The following CTBP1 variants were observed in gnomAD, a reference collection of about 807,000 sequenced individuals.
CTBP1 encodes C-terminal binding protein 1.
Under a neutral mutation model 42.1 loss-of-function variants are expected in CTBP1, and 11 were observed. That is an observed-to-expected ratio of 0.26 (90% CI 0.16 to 0.43). The LOEUF is 0.43. Ranked by LOEUF, CTBP1 falls within the 20% of genes least tolerant of loss-of-function variation. The probability of loss-of-function intolerance (pLI) is 1.00; values close to 1 mark genes in which losing one functional copy is unlikely to be tolerated. For missense variants in CTBP1, 399 were observed against 624.3 expected, an observed-to-expected ratio of 0.64 and a Z score of 3.85; for synonymous variants, 324 against 277.1, an observed-to-expected ratio of 1.17 and a Z score of -1.68.
chr4:1,236,932 G>A, intron 3 of CTBP1: 1 of 677,364 alleles, frequency 1.5e-6, no homozygotes, highest in South Asian at 1.6e-5. Flanking sequence ...TCCACCTCCT[G>A]ATGGGGCTCA....
At chr4:1,231,753 T>G (rs944642219) in intron 3 of CTBP1, among the ~76,000 whole-genome samples, 1 of 152,228 alleles carries the variant, frequency 6.6e-6, no homozygotes, top group South Asian at 2.1e-4. Flanking sequence ...AGGGTGGGGC[T>G]GGGCTGAAGA....
In CTBP1 at chr4:1,211,603, T is replaced by C. The variant is rs1430916890; in HGVS notation, c.*637A>G. On this transcript the variant is annotated 3_prime_UTR_variant, in exon 10 of 10. Coordinates refer to ENST00000382952, the MANE Select transcript of CTBP1 (RefSeq NM_001012614.2). ...ACCCTCCACGTCCCCAGGACAGACG[T>C]CGATGGGCAGCGGGCACGCTGGGCA... is the stretch of plus-strand genomic sequence containing the variant. The C allele has an allele frequency of 6.6e-6, 1 of 152,312 alleles. No homozygotes were observed. The highest frequency in any genetic ancestry group is 2.4e-5 in the African/African-American group (1 of 41,408). 9.4% of individuals were successfully genotyped at this position (152,312 alleles called of 1,614,324 possible). A position where few individuals can be genotyped will look rare whatever the true frequency, so the allele number is the denominator to read the frequency against.
rs139457729 is a variant in CTBP1 at position 1,226,644 on chromosome 4, G to C, written c.308-1078C>G. Among the ~76,000 whole-genome samples, 478 of 151,156 alleles carry C rather than the reference G, an allele frequency of 3.2e-3. 3 individuals carry two copies. Among genetic ancestry groups the C allele is most frequent in the African/African-American group, 0.011 (456 of 41,102 alleles). ...TCCCTGGCTGAAGAACAGAGCCCAG[G>C]CCTGGGAAACTCCACGGGTAACAGA... On this transcript the variant is annotated intron_variant, in intron 4 of 9. Transcript: ENST00000382952.
At chr4:1,249,716 C>A (rs1382229891), upstream of CTBP1, 3 of 399,810 alleles carry the variant, frequency 7.5e-6, no homozygotes, top group Non-Finnish European at 1.0e-5. Flanking sequence ...CGTCCCCAGG[C>A]GGGGGAGCCC....
intron 2 of CTBP1, among the ~76,000 whole-genome samples, chr4:1,239,414 G>A (rs778024667): frequency 6.6e-6 from 1 of 152,218 alleles, no homozygotes; most frequent in Non-Finnish European, 1.5e-5. Context: ...GCCAGCAGGA[G>A]GGGAGGCGCA....
Position 1,241,455 on chromosome 4 carries a change from A to G in CTBP1, c.-124T>C, listed in dbSNP as rs760788223. The G allele has an allele frequency of 6.3e-7, 1 of 1,598,028 alleles. No individual in the cohort carries two copies. Among genetic ancestry groups the G allele is most frequent in the African/African-American group, 1.3e-5 (1 of 74,612 alleles). On this transcript the variant is annotated 5_prime_UTR_variant, in exon 2 of 10. Transcript: ENST00000382952. The stretch of plus-strand genomic sequence containing the variant: ...TCATCCCACGTCCTTAATTGTCTCG[A>G]GCCAAAGTGCTCAGGCTTCTGATCC...
At chr4:1,242,473 T>C in intron 1 of CTBP1, 1 of 985,118 alleles carries the variant, frequency 1.0e-6, no homozygotes, top group South Asian at 4.7e-5. Context: ...GGTAGTGTGC[T>C]GTGAGGCCGC....
Position 1,222,147 on chromosome 4 carries a change from G to A in CTBP1, c.514+3213C>T, listed in dbSNP as rs111764882. On this transcript the variant is annotated intron_variant, in intron 5 of 9. Coordinates refer to ENST00000382952, the MANE Select transcript of CTBP1 (RefSeq NM_001012614.2). ...GTGGCTGGTGCCCAGCACCGGCCCC[G>A]CCTGGAGCATGAGGCTCTTCCACAG... Among the ~76,000 whole-genome samples, 366 of 152,296 alleles carry A rather than the reference G, an allele frequency of 2.4e-3. 1 individual carries two copies. Among genetic ancestry groups the A allele is most frequent in the African/African-American group, 8.3e-3 (346 of 41,554 alleles).
chr4:1,227,824 G>A (rs950054184), intron 4 of CTBP1, among the ~76,000 whole-genome samples: 11 of 152,234 alleles, frequency 7.2e-5, no homozygotes, highest in African/African-American at 2.2e-4. Context: ...GTTGCAACAC[G>A]CTGCTGTTCC....
chr4:1,224,327 C>G (rs1730083882), intron 5 of CTBP1, among the ~76,000 whole-genome samples: 1 of 151,988 alleles, frequency 6.6e-6, no homozygotes, highest in Admixed American at 6.6e-5. Context: ...CTGCGATGTC[C>G]ATGTGTGATG....
chr4:1,225,990 C>T (rs1402864163), intron 4 of CTBP1, among the ~76,000 whole-genome samples: 1 of 152,102 alleles, frequency 6.6e-6, no homozygotes, highest in Non-Finnish European at 1.5e-5. Flanking sequence ...CCCGCCTGCA[C>T]ACCCCTACGT....
chr4:1,230,524 T>A (rs1730856283), intron 3 of CTBP1, among the ~76,000 whole-genome samples: 1 of 152,146 alleles, frequency 6.6e-6, no homozygotes, highest in South Asian at 2.1e-4. Context: ...GTGCCAGACG[T>A]GAGCCCGGGG....
chr4:1,226,457 G>C (rs538156450), intron 4 of CTBP1, among the ~76,000 whole-genome samples: 1 of 151,894 alleles, frequency 6.6e-6, no homozygotes, highest in Non-Finnish European at 1.5e-5. Flanking sequence ...AGGGCCTGAT[G>C]TGGGGCGGCG....
intron 6 of CTBP1, 47 bp downstream of exon 6, chr4:1,215,944 G>T: frequency 6.4e-7 from 1 of 1,553,776 alleles, no homozygotes; most frequent in Non-Finnish European, 8.7e-7. Context: ...ACCCCCACCT[G>T]TACCTGCCCC....
chr4:1,248,652 TTG>T, intron 1 of CTBP1: 1 of 982,170 alleles, frequency 1.0e-6, no homozygotes, highest in Non-Finnish European at 1.2e-6. Context: ...ACAGGCCCTT[TTG>T]TGTCACCTGC....
At chr4:1,217,025 G>C (rs898316278) in intron 5 of CTBP1, 41 of 152,782 alleles carry the variant, frequency 2.7e-4, no homozygotes, top group African/African-American at 9.6e-4. Flanking sequence ...CAGTTTCAAA[G>C]GCGGCAGCCA....
At position 1,215,238 on chromosome 4, in the gene CTBP1, G is replaced by A. The variant is rs184524519; in HGVS notation, c.729+753C>T. Among the ~76,000 whole-genome samples, 315 of 152,362 alleles carry A rather than the reference G, an allele frequency of 2.1e-3. 1 individual carries two copies. Among genetic ancestry groups the A allele is most frequent in the African/African-American group, 7.0e-3 (293 of 41,578 alleles). ...CTCTGTGAACAAAGGAAGGGGCAGC[G>A]GGAACCTGGCCTCATCCTCCTTGTG... On this transcript the variant is annotated intron_variant, in intron 6 of 9. Coordinates refer to ENST00000382952, the MANE Select transcript of CTBP1 (RefSeq NM_001012614.2).
chr4:1,215,522 C>G (rs189416949), intron 6 of CTBP1: 1 of 240,830 alleles, frequency 4.2e-6, no homozygotes, highest in African/African-American at 2.3e-5. Context: ...AGGCAGAGGC[C>G]GACCTGAGCA....
chr4:1,215,962 T>A (rs1729064365), intron 6 of CTBP1, 29 bp downstream of exon 6: 1 of 1,583,984 alleles, frequency 6.3e-7, no homozygotes, highest in East Asian at 2.3e-5. Flanking sequence ...CCCGCAGAAG[T>A]AGAGTCCTGT....
Sources: gnomAD v4.1 joint callset for allele counts (sites outside exome capture counted in the v4.1 genomes callset) on GRCh38, gnomAD v4.1.1 for gene constraint, MANE v1.5 for transcripts, NCBI Gene and HGNC (gene_info 2026-07-23, HGNC 2026-07-21) for gene names.